CNTN1: variants seen among roughly 807,000 people sequenced by gnomAD.
CNTN1 encodes the protein contactin-1.
Under a neutral mutation model 126.4 loss-of-function variants are expected in CNTN1, and 38 were observed. That is an observed-to-expected ratio of 0.30 (90% confidence interval 0.23 to 0.39). The LOEUF is 0.39. Among genes scored for constraint, CNTN1 ranks in the 10% least tolerant of loss-of-function variants. The pLI, the probability that CNTN1 is intolerant of heterozygous loss-of-function variation, is 1.00. For missense variants in CNTN1, 1,009 were observed against 1,248.4 expected, an observed-to-expected ratio of 0.81 and a Z score of 2.89; for synonymous variants, 413 against 422.6, an observed-to-expected ratio of 0.98 and a Z score of 0.28.
At chr12:40,732,469 A>C (rs1014660254) in intron 1 of CNTN1, among the ~76,000 whole-genome samples, 2 of 152,074 alleles carry the variant, frequency 1.3e-5, no homozygotes, top group African/African-American at 4.8e-5. Flanking sequence ...AATTTCAAAA[A>C]TGAAATATTT....
intron 15 of CNTN1, among the ~76,000 whole-genome samples, chr12:40,969,423 A>G (rs1402551650): frequency 6.6e-6 from 1 of 152,128 alleles, no homozygotes; most frequent in African/African-American, 2.4e-5. Flanking sequence ...ACACAGAGAG[A>G]GAAAGAAATG....
At chr12:40,944,637 T>C (rs1946373692) in intron 14 of CNTN1, among the ~76,000 whole-genome samples, 1 of 151,954 alleles carries the variant, frequency 6.6e-6, no homozygotes, top group South Asian at 2.1e-4. Context: ...TGAAGAGGGT[T>C]AAATGGCTAT....
chr12:40,832,338 C>T lies in CNTN1; in HGVS notation c.-76-76019C>T, dbSNP rs142329839. Among the ~76,000 whole-genome samples, 524 of 152,260 alleles carry T rather than the reference C, an allele frequency of 3.4e-3. 2 individuals are homozygous for T. Among genetic ancestry groups the T allele is most frequent in the Middle Eastern group, 6.8e-3 (2 of 294 alleles). ...TAATGGAGCAGAAAATTTCCTGTTG[C>T]GTAGTGATATGGTAGCCCTTGTAAT... On this transcript the variant is annotated intron_variant, in intron 1 of 23. Coordinates refer to ENST00000551295, the MANE Select transcript of CNTN1 (RefSeq NM_001843.4).
chr12:40,966,224 C>T (rs567743026), intron 15 of CNTN1, among the ~76,000 whole-genome samples: 75 of 152,206 alleles, frequency 4.9e-4, no homozygotes, highest in Middle Eastern at 3.4e-3. Context: ...CTCTGGCCAA[C>T]GAAGTCTTGC....
chr12:40,695,750 C>A (rs947547756), intron 1 of CNTN1, among the ~76,000 whole-genome samples: 1 of 152,164 alleles, frequency 6.6e-6, no homozygotes, highest in Non-Finnish European at 1.5e-5. Flanking sequence ...GCTCTGATAG[C>A]GTACTTTTTT....
intron 23 of CNTN1, among the ~76,000 whole-genome samples, chr12:41,030,423 T>C (rs1949124709): frequency 6.6e-6 from 1 of 152,048 alleles, no homozygotes; most frequent in African/African-American, 2.4e-5. Flanking sequence ...AGCAATTTTG[T>C]CTTTTAAGAA....
rs1177749089 is a variant in CNTN1, at chr12:41,053,365, T to C, written c.2981-16594T>C. On this transcript the variant is annotated intron_variant, in intron 23 of 23. Coordinates refer to ENST00000551295, the MANE Select transcript of CNTN1 (RefSeq NM_001843.4). ...TATGATACCCAAAATGAATTTGATG[T>C]AGAGGAAAAAGTAGTTCACAGACAA... Among the ~76,000 whole-genome samples, 9 of 144,376 alleles carry C rather than the reference T, an allele frequency of 6.2e-5. No homozygotes were observed. In the South Asian group the frequency reaches 1.9e-3, roughly 31 times the overall value. The allele number at this position is 144,376 out of a possible 152,430, so 94.7% of individuals were successfully genotyped here. A position where few individuals can be genotyped will look rare whatever the true frequency, so the allele number is the denominator to read the frequency against.
intron 20 of CNTN1, among the ~76,000 whole-genome samples, chr12:41,021,321 C>T (rs1174836929): frequency 6.6e-6 from 1 of 151,434 alleles, no homozygotes; most frequent in Non-Finnish European, 1.5e-5. Flanking sequence ...TCAGTGAGTG[C>T]TGTCTAGGGC....
intron 17 of CNTN1, among the ~76,000 whole-genome samples, chr12:40,998,236 A>T (rs1948270731): frequency 6.6e-6 from 1 of 152,182 alleles, no homozygotes; most frequent in Non-Finnish European, 1.5e-5. Context: ...TTTTTAACTT[A>T]ATTTAAACAA....
intron 1 of CNTN1, among the ~76,000 whole-genome samples, chr12:40,735,876 T>A (rs1937654081): frequency 6.6e-6 from 1 of 152,072 alleles, no homozygotes; most frequent in East Asian, 1.9e-4. Flanking sequence ...TTGAGCTGGC[T>A]GTAGAAACTC....
chr12:40,760,640 T>G (rs1938822453), intron 1 of CNTN1, among the ~76,000 whole-genome samples: 1 of 152,190 alleles, frequency 6.6e-6, no homozygotes, highest in Non-Finnish European at 1.5e-5. Flanking sequence ...TTAAAAGCTT[T>G]TTATTGAAAA....
chr12:40,704,395 C>A (rs1286224406), intron 1 of CNTN1, among the ~76,000 whole-genome samples: 1 of 151,970 alleles, frequency 6.6e-6, no homozygotes, highest in East Asian at 1.9e-4. Flanking sequence ...TTATTATTGA[C>A]TTCATCTTGC....
chr12:41,030,121 G>A (rs1949118274), intron 23 of CNTN1, among the ~76,000 whole-genome samples: 1 of 151,514 alleles, frequency 6.6e-6, no homozygotes, highest in Non-Finnish European at 1.5e-5. Context: ...CATGACACAA[G>A]TTTACCTGTA....
At chr12:40,767,858 A>G (rs1939180201) in intron 1 of CNTN1, among the ~76,000 whole-genome samples, 1 of 152,126 alleles carries the variant, frequency 6.6e-6, no homozygotes, top group Non-Finnish European at 1.5e-5. Context: ...TCCTTAAACA[A>G]TTGACTTTTC....
intron 1 of CNTN1, among the ~76,000 whole-genome samples, chr12:40,870,246 C>T (rs1240027906): frequency 6.6e-6 from 1 of 151,750 alleles, no homozygotes; most frequent in Non-Finnish European, 1.5e-5. Context: ...CATACAGGTT[C>T]CATTAGAATT....
chr12:40,708,794 GA>G (rs1419354128), intron 1 of CNTN1, among the ~76,000 whole-genome samples: 2 of 152,164 alleles, frequency 1.3e-5, no homozygotes, highest in Non-Finnish European at 2.9e-5. Flanking sequence ...TCATCCATAA[GA>G]AGCAACTCCT....
intron 1 of CNTN1, among the ~76,000 whole-genome samples, chr12:40,826,983 A>T (rs1941634371): frequency 6.6e-6 from 1 of 152,190 alleles, no homozygotes; most frequent in Non-Finnish European, 1.5e-5. Context: ...GTGGAAAAAT[A>T]AGGCTTAATT....
chr12:40,725,336 G>A (rs1344597951), intron 1 of CNTN1, among the ~76,000 whole-genome samples: 1 of 145,708 alleles, frequency 6.9e-6, no homozygotes, highest in Non-Finnish European at 1.5e-5. Context: ...GAGAGGCAGA[G>A]GTTGCGGTGA....
At position 40,908,306 on chromosome 12, in the gene CNTN1, C is replaced by G. The variant is rs80139511; in HGVS notation, c.-76-51C>G. The G allele has an allele frequency of 0.067, 43,696 of 647,696 alleles. 2,673 individuals are homozygous for G. Among genetic ancestry groups the G allele is most frequent in the Admixed American group, 0.21 (7,699 of 36,272 alleles). The allele number at this position is 647,696 out of a possible 1,614,324, so 40.1% of individuals were successfully genotyped here. On this transcript the variant is annotated intron_variant, in intron 1 of 23. Transcript: ENST00000551295. ...CTCTCCTCCTCTCCCCTTCCTTCCCCTCTCCTTCCTTCTAATTCTTTCCTT... is the reference window on the plus strand; with the variant it reads ...CTCTCCTCCTCTCCCCTTCCTTCCCGTCTCCTTCCTTCTAATTCTTTCCTT...
Sources: allele counts gnomAD v4.1 joint callset (sites outside exome capture counted in the v4.1 genomes callset), GRCh38; gene constraint gnomAD v4.1.1; transcripts MANE v1.5; gene names NCBI Gene and HGNC (gene_info 2026-07-23, HGNC 2026-07-21).